Variants in GPC5 observed in about 807,000 individuals in gnomAD.
GPC5 encodes the protein glypican 5.
Under a neutral mutation model 53.9 loss-of-function variants are expected in GPC5, and 47 were observed. The ratio of observed to expected loss-of-function variants is 0.87; its 90% CI spans 0.69 to 1.11. The LOEUF is 1.11. GPC5 is among the 50% of genes most tolerant of loss of function. GPC5 has a pLI of 0.00. For synonymous variants in GPC5, 286 were observed against 263.3 expected, an observed-to-expected ratio of 1.09 and a Z score of -0.84; for missense variants, 748 against 713.1, an observed-to-expected ratio of 1.05 and a Z score of -0.56.
At chr13:92,731,622 CA>C (rs1888807475) in intron 7 of GPC5, among the ~76,000 whole-genome samples, 1 of 151,256 alleles carries the variant, frequency 6.6e-6, no homozygotes, top group South Asian at 2.1e-4. Flanking sequence ...TTTGATATAG[CA>C]TAGGAAAAAT....
At chr13:91,873,265 G>A (rs137956248) in intron 5 of GPC5, among the ~76,000 whole-genome samples, 1 of 152,286 alleles carries the variant, frequency 6.6e-6, no homozygotes, top group African/African-American at 2.4e-5. Flanking sequence ...TTAAGAGAAT[G>A]GACTCTAGTC....
chr13:92,773,506 C>A (rs192712089), intron 7 of GPC5, among the ~76,000 whole-genome samples: 21 of 152,190 alleles, frequency 1.4e-4, no homozygotes, highest in Admixed American at 5.2e-4. Flanking sequence ...CAGACATATC[C>A]AATGATTATC....
chr13:91,862,768 A>T (rs2039043940), intron 5 of GPC5, among the ~76,000 whole-genome samples: 1 of 152,156 alleles, frequency 6.6e-6, no homozygotes, highest in African/African-American at 2.4e-5. Flanking sequence ...AGCCCCCATT[A>T]AAATTTCACC....
chr13:92,180,701 T>G (rs2042140466), intron 7 of GPC5: 1 of 160,150 alleles, frequency 6.2e-6, no homozygotes, highest in Admixed American at 6.3e-5. Flanking sequence ...CTATCCAAAG[T>G]GATGATGGAA....
At chr13:92,497,713 G>T (rs1024120454) in intron 7 of GPC5, among the ~76,000 whole-genome samples, 7 of 151,790 alleles carry the variant, frequency 4.6e-5, no homozygotes, top group Non-Finnish European at 7.4e-5. Flanking sequence ...CCATATTCAT[G>T]ATATTGATTC....
intron 7 of GPC5, among the ~76,000 whole-genome samples, chr13:92,579,301 C>CT (rs1491440271): frequency 4.0e-5 from 2 of 50,248 alleles, no homozygotes; most frequent in African/African-American, 2.1e-4. Flanking sequence ...CTCTCTCTCT[C>CT]CCTCCCTCCC....
chr13:92,545,492 C>T (rs1243305179), intron 7 of GPC5, among the ~76,000 whole-genome samples: 3 of 152,130 alleles, frequency 2.0e-5, no homozygotes, highest in African/African-American at 7.2e-5. Context: ...GAGGAATCAC[C>T]ACACTGACTT....
At chr13:91,661,189 G>T (rs1370717986) in intron 2 of GPC5, among the ~76,000 whole-genome samples, 1 of 152,052 alleles carries the variant, frequency 6.6e-6, no homozygotes, top group Non-Finnish European at 1.5e-5. Context: ...GTGGATCTGG[G>T]TTGCGGTGAA....
intron 7 of GPC5, among the ~76,000 whole-genome samples, chr13:92,259,919 C>T (rs1024495388): frequency 2.0e-5 from 3 of 152,144 alleles, no homozygotes; most frequent in Non-Finnish European, 4.4e-5. Flanking sequence ...ATAGTCCTGC[C>T]AGCTGTCTCA....
intron 6 of GPC5, among the ~76,000 whole-genome samples, chr13:91,941,849 T>C (rs1181027148): frequency 6.6e-6 from 1 of 152,212 alleles, no homozygotes; most frequent in Non-Finnish European, 1.5e-5. Context: ...ATCTCTTTGG[T>C]AAAGCAAGAT....
chr13:92,269,862 G>T (rs1353724922), intron 7 of GPC5, among the ~76,000 whole-genome samples: 6 of 152,172 alleles, frequency 3.9e-5, no homozygotes, highest in Admixed American at 3.9e-4. Flanking sequence ...TCATGGCTAG[G>T]ATGGGTGATT....
intron 7 of GPC5, among the ~76,000 whole-genome samples, chr13:92,806,689 G>A (rs1220129627): frequency 6.6e-6 from 1 of 151,972 alleles, no homozygotes. Context: ...AGGGAGATGG[G>A]GGAATGGCTG....
At chr13:91,620,007 A>G (rs1420757482) in intron 2 of GPC5, among the ~76,000 whole-genome samples, 7 of 152,130 alleles carry the variant, frequency 4.6e-5, no homozygotes, top group Admixed American at 4.6e-4. Context: ...GATAAAGCTA[A>G]CATCTTGGAA....
intron 7 of GPC5, among the ~76,000 whole-genome samples, chr13:92,766,378 T>A (rs1875406406): frequency 6.6e-6 from 1 of 151,912 alleles, no homozygotes; most frequent in Non-Finnish European, 1.5e-5. Context: ...AAATCTTGTA[T>A]CTCAGAACTG....
At chr13:92,212,347 A>G (rs955772833) in intron 7 of GPC5, among the ~76,000 whole-genome samples, 1 of 152,192 alleles carries the variant, frequency 6.6e-6, no homozygotes, top group Non-Finnish European at 1.5e-5. Flanking sequence ...GCTCTGAAGT[A>G]TGAGTATTTT....
chr13:92,634,958 A>G (rs1885367003), intron 7 of GPC5, among the ~76,000 whole-genome samples: 1 of 151,532 alleles, frequency 6.6e-6, no homozygotes, highest in Non-Finnish European at 1.5e-5. Flanking sequence ...TATATTTTCT[A>G]TTATTTTTTC....
chr13:91,744,228 G>A (rs1027782564), intron 4 of GPC5, among the ~76,000 whole-genome samples: 1 of 152,024 alleles, frequency 6.6e-6, no homozygotes, highest in Non-Finnish European at 1.5e-5. Flanking sequence ...GCATAATTAA[G>A]TAAAGGTAAC....
chr13:92,546,051 A>C (rs1240274789), intron 7 of GPC5, among the ~76,000 whole-genome samples: 2 of 152,082 alleles, frequency 1.3e-5, no homozygotes, highest in African/African-American at 4.8e-5. Context: ...ACCCACAGCC[A>C]ATATCATACT....
chr13:92,607,122 A>T (rs1245050978), intron 7 of GPC5, among the ~76,000 whole-genome samples: 1 of 152,194 alleles, frequency 6.6e-6, no homozygotes, highest in African/African-American at 2.4e-5. Context: ...CTATGTGGAA[A>T]ATGTATCTGG....
Sources: gnomAD v4.1 joint callset for allele counts (sites outside exome capture counted in the v4.1 genomes callset) on GRCh38, gnomAD v4.1.1 for gene constraint, MANE v1.5 for transcripts, NCBI Gene and HGNC (gene_info 2026-07-23, HGNC 2026-07-21) for gene names.